Variants in SLC35E1 observed in about 807,000 individuals in gnomAD.
SLC35E1 encodes the protein solute carrier family 35 member E1, also known as solute carrier family 35, member E1.
A neutral mutation model predicts 31.0 loss-of-function variants in SLC35E1; 12 were observed. The observed-to-expected ratio is 0.39, with a 90% CI of 0.25 to 0.63. The LOEUF (loss-of-function observed/expected upper bound fraction) is 0.63. Among genes scored for constraint, SLC35E1 ranks in the 20% least tolerant of loss-of-function variants. The pLI, the probability that SLC35E1 is intolerant of heterozygous loss-of-function variation, is 0.52. For synonymous variants in SLC35E1, 257 were observed against 264.1 expected, an observed-to-expected ratio of 0.97 and a Z score of 0.26; for missense variants, 429 against 572.2, an observed-to-expected ratio of 0.75 and a Z score of 2.55.
chr19:16,554,820 G>GAAAA (rs59402960), intron 5 of SLC35E1, among the ~76,000 whole-genome samples: 11 of 60,196 alleles, frequency 1.8e-4, no homozygotes, highest in Admixed American at 1.6e-3. Flanking sequence ...ACTCCATCTC[G>GAAAA]AAAAAAAAAA....
At chr19:16,558,052 T>G (rs1402520147) in intron 4 of SLC35E1, among the ~76,000 whole-genome samples, 3 of 149,670 alleles carry the variant, frequency 2.0e-5, no homozygotes, top group African/African-American at 7.4e-5. Context: ...TTTGTTTTTG[T>G]TTTTTTTTGA....
intron 4 of SLC35E1, chr19:16,566,262 C>T: frequency 2.4e-6 from 1 of 416,196 alleles, no homozygotes; most frequent in Non-Finnish European, 4.4e-6. Flanking sequence ...GAAAGAGTCA[C>T]CTTCTCTTCC....
chr19:16,562,494 T>A (rs1192583814), intron 4 of SLC35E1, among the ~76,000 whole-genome samples: 1 of 152,226 alleles, frequency 6.6e-6, no homozygotes, highest in Non-Finnish European at 1.5e-5. Flanking sequence ...TATTTGCATG[T>A]AATCCATGCA....
chr19:16,559,009 C>A (rs1293218191), intron 4 of SLC35E1, among the ~76,000 whole-genome samples: 1 of 151,820 alleles, frequency 6.6e-6, no homozygotes, highest in Non-Finnish European at 1.5e-5. Context: ...ACCTTGTGAT[C>A]CATCTGCCTT....
Position 16,553,972 on chromosome 19 carries a change from G to A in SLC35E1, c.1003-63C>T, listed in dbSNP as rs2085859953. 19 of 1,425,166 alleles carry A rather than the reference G, an allele frequency of 1.3e-5. No homozygotes were observed. The South Asian group carries it at 2.5e-4, about 19-fold the overall frequency. 88.3% of individuals were successfully genotyped at this position (1,425,166 alleles called of 1,614,324 possible). ...GGGGCATAAGAGCTCGTAATTCAAA[G>A]TCAATCAACTGGCTGGCTGCGGTGG... is the stretch of plus-strand genomic sequence containing the variant. On this transcript the variant is annotated intron_variant, in intron 5 of 5. Coordinates refer to ENST00000595753, the MANE Select transcript of SLC35E1 (RefSeq NM_024881.5).
chr19:16,572,345 C>T lies in SLC35E1; in HGVS notation c.20G>A (p.Gly7Asp). Residue 7 changes from glycine to aspartate, a missense_variant, in exon 1 of 6, where the codon GGC (glycine) becomes GAC (aspartate). Transcript: ENST00000595753. This position sits in a 1 kb window ranked among gnomAD's most constrained non-coding sequence, Gnocchi z 4.1. ...CGGGCCCCCCGCGCCGTGGCCCGCG[C>T]CCACCGCGGCCGCCGCCATCCTGCC... MAAAAV[G>D]AGHGAGGPGA... 1 of 1,050,136 alleles carries T rather than the reference C, an allele frequency of 9.5e-7. No homozygotes were observed. Among genetic ancestry groups the T allele is most frequent in the Non-Finnish European group, 1.2e-6 (1 of 868,570 alleles). The allele number at this position is 1,050,136 out of a possible 1,614,324, so 65.1% of individuals were successfully genotyped here.
chr19:16,558,036 T>G (rs1239018942), intron 4 of SLC35E1, among the ~76,000 whole-genome samples: 2 of 150,212 alleles, frequency 1.3e-5, no homozygotes, highest in Admixed American at 6.6e-5. Flanking sequence ...ATGGTGAAGT[T>G]TTTTTTTTGT....
In SLC35E1 at chr19:16,560,459, C is replaced by T. The variant is rs546498063; in HGVS notation, c.757-5062G>A. On this transcript the variant is annotated intron_variant, in intron 4 of 5. Transcript: ENST00000595753. ...TCCTCAAACAGCAGAGGAAGAGTCG[C>T]CCTTCTCAGGGTTTTAGGTGGCTGT... Among the ~76,000 whole-genome samples, 10 of 152,272 alleles carry T rather than the reference C, an allele frequency of 6.6e-5. No individual in the cohort carries two copies. The East Asian group carries it at 1.9e-3, about 29-fold the overall frequency.
Position 16,553,573 on chromosome 19 carries a change from C to A in SLC35E1, c.*106G>T. ...AGGGCTTCTGATGGAGAGTTATGCA[C>A]CGTCCCCTCGGCTGGGTTGTACATT... is the stretch of plus-strand genomic sequence containing the variant. On this transcript the variant is annotated 3_prime_UTR_variant, in exon 6 of 6. Coordinates refer to ENST00000595753, the MANE Select transcript of SLC35E1 (RefSeq NM_024881.5). 9.1e-7 allele frequency: 1 copy of A among 1,100,426 alleles called. No homozygotes were observed. The highest frequency in any genetic ancestry group is 1.3e-6 in the Non-Finnish European group (1 of 792,514). The allele number at this position is 1,100,426 out of a possible 1,614,324, so 68.2% of individuals were successfully genotyped here.
intron 1 of SLC35E1, 97 bp downstream of exon 1, chr19:16,571,847 C>T (rs2085960386): frequency 7.6e-7 from 1 of 1,312,418 alleles, no homozygotes; most frequent in Non-Finnish European, 1.0e-6. Flanking sequence ...CTTCTCAGTC[C>T]GGCGGGACGC....
chr19:16,562,665 G>A (rs2085913122), intron 4 of SLC35E1, among the ~76,000 whole-genome samples: 1 of 152,108 alleles, frequency 6.6e-6, no homozygotes, highest in South Asian at 2.1e-4. Context: ...GCAGTTGGCT[G>A]AATCCACTAG....
At chr19:16,557,212 G>C (rs75861125) in intron 4 of SLC35E1, 1 of 294,124 alleles carries the variant, frequency 3.4e-6, no homozygotes, top group African/African-American at 2.5e-5. Context: ...TTTTTTTTTT[G>C]AGACAGAGTT....
At chr19:16,569,303 G>T (rs553054636) in intron 2 of SLC35E1, among the ~76,000 whole-genome samples, 1 of 152,146 alleles carries the variant, frequency 6.6e-6, no homozygotes, top group East Asian at 1.9e-4. Context: ...GATTACAAGC[G>T]TGGGCCACCG....
intron 4 of SLC35E1, among the ~76,000 whole-genome samples, chr19:16,562,435 G>A (rs999023089): frequency 1.3e-5 from 2 of 152,152 alleles, no homozygotes; most frequent in Non-Finnish European, 2.9e-5. Context: ...GGACCCCTGC[G>A]GATGCCAAAA....
intron 2 of SLC35E1, among the ~76,000 whole-genome samples, chr19:16,568,905 C>T (rs2085944614): frequency 1.3e-5 from 2 of 152,200 alleles, no homozygotes; most frequent in Admixed American, 1.3e-4. Context: ...GCCTTCTCCT[C>T]CCAGTGACCT....
At chr19:16,554,267 G>GA (rs778901992) in intron 5 of SLC35E1, among the ~76,000 whole-genome samples, 6,075 of 51,420 alleles carry the variant, frequency 0.12, 306 homozygotes, top group African/African-American at 0.16. Flanking sequence ...CGCTGTCTCA[G>GA]AAAAAAAAAA....
intron 5 of SLC35E1, among the ~76,000 whole-genome samples, chr19:16,554,602 A>C (rs1001140849): frequency 6.6e-6 from 1 of 152,092 alleles, no homozygotes; most frequent in Non-Finnish European, 1.5e-5. Flanking sequence ...AGGTGGATCA[A>C]CTGAGGTCAG....
At chr19:16,558,166 C>G (rs932510360) in intron 4 of SLC35E1, among the ~76,000 whole-genome samples, 1 of 151,440 alleles carries the variant, frequency 6.6e-6, no homozygotes, top group African/African-American at 2.4e-5. Context: ...GTTTCAGCCT[C>G]CCGAGTAGCT....
intron 3 of SLC35E1, among the ~76,000 whole-genome samples, chr19:16,567,382 C>T (rs2085937509): frequency 6.6e-6 from 1 of 151,982 alleles, no homozygotes; most frequent in South Asian, 2.1e-4. Context: ...TGGCTAATGC[C>T]TGTAATCCCA....
Sources: allele counts gnomAD v4.1 joint callset (sites outside exome capture counted in the v4.1 genomes callset), GRCh38; gene constraint gnomAD v4.1.1; non-coding constraint Gnocchi (gnomAD v3.1); transcripts MANE v1.5; gene names NCBI Gene and HGNC (gene_info 2026-07-23, HGNC 2026-07-21).